SPATA13: variants seen among roughly 807,000 people sequenced by gnomAD.
SPATA13 encodes spermatogenesis associated 13.
In SPATA13, 50 loss-of-function variants were observed where a neutral mutation model predicts 104.0. The ratio of observed to expected loss-of-function variants is 0.48; its 90% CI spans 0.38 to 0.61. The LOEUF (loss-of-function observed/expected upper bound fraction) is 0.61, where lower values mean the gene tolerates loss of function less well. SPATA13 is among the 20% of genes least tolerant of loss of function. The pLI, the probability that SPATA13 is intolerant of heterozygous loss-of-function variation, is 0.00. For missense variants in SPATA13, 1,524 were observed against 1,690.6 expected, an observed-to-expected ratio of 0.90 and a Z score of 1.73; for synonymous variants, 606 against 667.5, an observed-to-expected ratio of 0.91 and a Z score of 1.42.
At chr13:24,244,573 G>A (rs946134537) in intron 2 of SPATA13, among the ~76,000 whole-genome samples, 10 of 152,184 alleles carry the variant, frequency 6.6e-5, no homozygotes, top group Admixed American at 5.2e-4. Context: ...AAATGTATGC[G>A]GAGTGGCCAG....
intron 2 of SPATA13, among the ~76,000 whole-genome samples, chr13:23,991,763 T>C (rs1875427097): frequency 6.6e-6 from 1 of 152,008 alleles, no homozygotes; most frequent in Non-Finnish European, 1.5e-5. Context: ...TTGTAGACAA[T>C]CAGATTAGGG....
chr13:24,057,260 G>C (rs1244517146), intron 3 of SPATA13, among the ~76,000 whole-genome samples: 2 of 145,984 alleles, frequency 1.4e-5, no homozygotes, highest in African/African-American at 5.1e-5. Context: ...AGTCCCCGGA[G>C]TGTGATGTTG....
Position 24,205,909 on chromosome 13 carries a change from C to T in SPATA13, c.-111-16910C>T, listed in dbSNP as rs1488974094. Among the ~76,000 whole-genome samples, 3 of 152,104 alleles carry T rather than the reference C, an allele frequency of 2.0e-5. No homozygotes were observed. The highest frequency in any genetic ancestry group is 2.1e-4 in the South Asian group (1 of 4,826). The stretch of plus-strand genomic sequence containing the variant: ...ATTGAAACTGGAAACCTTCCTTACA[C>T]CATATACAAAAATCAACTCAAGATA... On this transcript the variant is annotated intron_variant, in intron 1 of 12. Coordinates refer to ENST00000382108, the MANE Select transcript of SPATA13 (RefSeq NM_001166271.3). The surrounding 1 kb of genome is among the most constrained non-coding windows in gnomAD (Gnocchi z 4.1).
intron 4 of SPATA13, among the ~76,000 whole-genome samples, chr13:24,282,902 TG>T (rs1045920081): frequency 3.3e-5 from 5 of 152,266 alleles, no homozygotes; most frequent in Admixed American, 1.3e-4. Context: ...CGAGACTCTG[TG>T]ACCCTAAAAC....
In SPATA13 at chr13:24,223,042, A is replaced by G. The variant is rs1338073503; in HGVS notation, c.113A>G (p.Asp38Gly). The change falls in exon 2 of 13, where the codon GAC (aspartate) becomes GGC (glycine). Residue 38 changes from aspartate to glycine, a missense_variant. Physicochemically the swap from Asp to Gly is moderately conservative, Grantham distance 94 (BLOSUM62 -1). This residue lies in a region of SPATA13 where 1,089 missense variants were observed against 1,135.9 expected (regional missense o/e 0.96). Coordinates refer to ENST00000382108, the MANE Select transcript of SPATA13 (RefSeq NM_001166271.3). ...CCCTGTGCAGGCTCGGACCTGAAAG[A>G]CGCCAAGATGGTGACCTCCCTTGCG... is the stretch of plus-strand genomic sequence containing the variant. ...AAPCAGSDLK[D>G]AKMVTSLACG... is the part of the protein sequence containing the mutation. 6.4e-6 allele frequency: 10 copies of G among 1,551,528 alleles called. No homozygotes were observed. The highest frequency in any genetic ancestry group is 8.7e-6 in the Non-Finnish European group (10 of 1,146,972).
intron 3 of SPATA13, among the ~76,000 whole-genome samples, chr13:24,084,629 GA>G (rs1259666227): frequency 6.6e-6 from 1 of 152,162 alleles, no homozygotes; most frequent in Admixed American, 6.5e-5. Flanking sequence ...TCTGGTGGAG[GA>G]CCACAGAGCT....
At chr13:24,133,750 G>A (rs192292951) in intron 3 of SPATA13, among the ~76,000 whole-genome samples, 35 of 152,300 alleles carry the variant, frequency 2.3e-4, no homozygotes, top group South Asian at 2.1e-3. Flanking sequence ...CACAGGGGAG[G>A]AGAGGCAGAA....
At chr13:24,022,559 T>G (rs938496741) in intron 3 of SPATA13, among the ~76,000 whole-genome samples, 1 of 152,220 alleles carries the variant, frequency 6.6e-6, no homozygotes, top group African/African-American at 2.4e-5. Context: ...GAAAATGTAC[T>G]TTACTGAGCT....
intron 5 of SPATA13, among the ~76,000 whole-genome samples, chr13:24,284,873 A>G (rs962224885): frequency 6.6e-6 from 1 of 152,134 alleles, no homozygotes; most frequent in African/African-American, 2.4e-5. Flanking sequence ...AGCGGACATT[A>G]TGGTTATTAT....
At chr13:24,156,186 T>G (rs1406827274), upstream of SPATA13, among the ~76,000 whole-genome samples, 2 of 152,230 alleles carry the variant, frequency 1.3e-5, no homozygotes, top group Non-Finnish European at 2.9e-5. Context: ...TCAGTTCTTT[T>G]GGGTATATCC....
At chr13:23,988,685 A>G (rs939408235) in intron 2 of SPATA13, among the ~76,000 whole-genome samples, 1 of 152,152 alleles carries the variant, frequency 6.6e-6, no homozygotes, top group African/African-American at 2.4e-5. Context: ...TGCTCATCTC[A>G]TGATGGAAAA....
intron 3 of SPATA13, among the ~76,000 whole-genome samples, chr13:24,037,355 T>A (rs1644429232): frequency 1.3e-5 from 2 of 151,150 alleles, no homozygotes; most frequent in Non-Finnish European, 2.9e-5. Flanking sequence ...AGTATAATTT[T>A]AAAAAAATTA....
chr13:24,122,111 A>G, intron 3 of SPATA13: 4 of 1,612,784 alleles, frequency 2.5e-6, no homozygotes, highest in Non-Finnish European at 3.4e-6. Context: ...AGAACTTGGC[A>G]CAACTGGAGC....
At chr13:24,012,808 C>T (rs536940063) in intron 2 of SPATA13, among the ~76,000 whole-genome samples, 1 of 152,354 alleles carries the variant, frequency 6.6e-6, no homozygotes, top group East Asian at 1.9e-4. Flanking sequence ...CACCCTGAGC[C>T]CCGTGGCTGC....
At chr13:24,158,033 A>G (rs543806767), upstream of SPATA13, among the ~76,000 whole-genome samples, 1 of 152,342 alleles carries the variant, frequency 6.6e-6, no homozygotes, top group South Asian at 2.1e-4. Flanking sequence ...GACACATTCT[A>G]GTTTTGGAGA....
At chr13:24,024,022 A>G (rs1877094193) in intron 3 of SPATA13, among the ~76,000 whole-genome samples, 2 of 152,164 alleles carry the variant, frequency 1.3e-5, no homozygotes, top group South Asian at 4.1e-4. Context: ...ACGGTGGTGA[A>G]TAAGTTGTCA....
intron 3 of SPATA13, among the ~76,000 whole-genome samples, chr13:24,064,241 A>G (rs542551704): frequency 1.3e-5 from 2 of 152,346 alleles, no homozygotes; most frequent in African/African-American, 2.4e-5. Flanking sequence ...CAACAAAGCT[A>G]CTAGAATGGC....
chr13:24,233,296 A>C (rs1399470793), intron 2 of SPATA13, among the ~76,000 whole-genome samples: 1 of 152,238 alleles, frequency 6.6e-6, no homozygotes, highest in Non-Finnish European at 1.5e-5. Context: ...TGTTGCAGGG[A>C]CATTTGCCCT....
rs1273329242 is a variant in SPATA13 at position 24,160,884 on chromosome 13, G to A, written c.-160G>A. ...CGGAGGTGGCTCTGAGGGCAGGGAC[G>A]TGTTGGACACGCTGACTTTGTAGGC... On this transcript the variant is annotated 5_prime_UTR_variant, in exon 1 of 13. It adds an upstream start codon to the 5' untranslated region. Transcript: ENST00000382108. 2 of 984,950 alleles carry A rather than the reference G, an allele frequency of 2.0e-6. No homozygotes were observed. The highest frequency in any genetic ancestry group is 2.4e-6 in the Non-Finnish European group (2 of 829,584). 61.0% of individuals were successfully genotyped at this position (984,950 alleles called of 1,614,324 possible).
Sources: allele counts gnomAD v4.1 joint callset (sites outside exome capture counted in the v4.1 genomes callset), GRCh38; gene constraint gnomAD v4.1.1; regional missense constraint gnomAD v4.1.1; non-coding constraint Gnocchi (gnomAD v3.1); transcripts MANE v1.5; gene names NCBI Gene and HGNC (gene_info 2026-07-23, HGNC 2026-07-21).